MSH3: variants seen among roughly 807,000 people sequenced by gnomAD.
The protein encoded by MSH3 is DNA mismatch repair protein Msh3.
MSH3 carries 106 observed loss-of-function variants against 123.3 expected under a neutral mutation model. The observed-to-expected ratio is 0.86, with a 90% confidence interval of 0.73 to 1.01. The LOEUF (loss-of-function observed/expected upper bound fraction) is 1.01, where lower values mean the gene tolerates loss of function less well. MSH3 is among the 50% of genes least tolerant of loss of function. MSH3 has a pLI of 0.00. For synonymous variants in MSH3, 515 were observed against 481.4 expected, an observed-to-expected ratio of 1.07 and a Z score of -0.91; for missense variants, 1,459 against 1,347.6, an observed-to-expected ratio of 1.08 and a Z score of -1.29.
At chr5:80,687,729 A>C (rs777445054) in intron 8 of MSH3, among the ~76,000 whole-genome samples, 1 of 152,216 alleles carries the variant, frequency 6.6e-6, no homozygotes, top group Non-Finnish European at 1.5e-5. Flanking sequence ...GTGAAGGCCT[A>C]TGAAATCCAG....
chr5:80,733,129 A>G (rs1304868512), intron 10 of MSH3, among the ~76,000 whole-genome samples: 1 of 152,190 alleles, frequency 6.6e-6, no homozygotes, highest in East Asian at 1.9e-4. Flanking sequence ...TGGAATTGGC[A>G]TAAGCACAGA....
At chr5:80,694,938 T>C (rs1750436071) in intron 8 of MSH3, among the ~76,000 whole-genome samples, 1 of 151,198 alleles carries the variant, frequency 6.6e-6, no homozygotes, top group Non-Finnish European at 1.5e-5. Flanking sequence ...TTTAATTATG[T>C]GTCATGGAAC....
chr5:80,684,873 C>T (rs937167303), intron 8 of MSH3, among the ~76,000 whole-genome samples: 13 of 151,724 alleles, frequency 8.6e-5, no homozygotes, highest in Admixed American at 2.6e-4. Context: ...TATTATGAAG[C>T]GTTGTTGAAT....
intron 4 of MSH3, 66 bp from the exon 5 acceptor site, chr5:80,672,178 G>T: frequency 8.8e-7 from 1 of 1,139,280 alleles, no homozygotes; most frequent in South Asian, 1.3e-5. Flanking sequence ...TTAATAAAGT[G>T]AACCAACATC....
chr5:80,825,799 TAATGTCCTTCACATG>T (rs1382868806), intron 20 of MSH3, among the ~76,000 whole-genome samples: 1 of 152,254 alleles, frequency 6.6e-6, no homozygotes, highest in African/African-American at 2.4e-5. Context: ...TTTTATTACT[TAATGTCCTTCACATG>T]AAGTGCCATC....
At chr5:80,781,478 CT>C (rs71659599) in intron 17 of MSH3, among the ~76,000 whole-genome samples, 33,160 of 142,262 alleles carry the variant, frequency 0.23, 3,823 homozygotes, top group Non-Finnish European at 0.28. Context: ...TTACCAAGTT[CT>C]TTTTTTTTTT....
chr5:80,742,485 A>G (rs957464140), intron 11 of MSH3, among the ~76,000 whole-genome samples: 1 of 152,222 alleles, frequency 6.6e-6, no homozygotes, highest in Non-Finnish European at 1.5e-5. Flanking sequence ...ACCCCACGTC[A>G]TTTGATTAAG....
At chr5:80,773,413 G>A (rs1744245705) in intron 15 of MSH3, among the ~76,000 whole-genome samples, 2 of 152,268 alleles carry the variant, frequency 1.3e-5, no homozygotes, top group African/African-American at 4.8e-5. Context: ...CTATTTAAGT[G>A]GGTGTGGCAG....
chr5:80,844,344 G>T (rs1745679556), intron 20 of MSH3, among the ~76,000 whole-genome samples: 1 of 152,184 alleles, frequency 6.6e-6, no homozygotes, highest in Non-Finnish European at 1.5e-5. Flanking sequence ...TAGAATAATT[G>T]TGATGTGGTG....
chr5:80,662,208 A>G (rs887368650), intron 2 of MSH3, among the ~76,000 whole-genome samples: 2 of 152,246 alleles, frequency 1.3e-5, no homozygotes, highest in African/African-American at 2.4e-5. Context: ...CATGCTATAC[A>G]GGTTTATAAC....
chr5:80,785,674 A>G (rs1052372090), intron 17 of MSH3, among the ~76,000 whole-genome samples: 11 of 152,300 alleles, frequency 7.2e-5, no homozygotes, highest in African/African-American at 1.9e-4. Context: ...TCATGCTGCT[A>G]TAAAGACACA....
At chr5:80,677,307 T>C (rs918179361) in intron 7 of MSH3, among the ~76,000 whole-genome samples, 2 of 152,172 alleles carry the variant, frequency 1.3e-5, no homozygotes, top group Non-Finnish European at 2.9e-5. Context: ...GGCAGTGCAG[T>C]TTTATACACA....
At chr5:80,694,575 C>G (rs1202246426) in intron 8 of MSH3, among the ~76,000 whole-genome samples, 1 of 152,012 alleles carries the variant, frequency 6.6e-6, no homozygotes, top group African/African-American at 2.4e-5. Flanking sequence ...CTGTTTCTTT[C>G]CTGATGTTCT....
At chr5:80,816,888 T>C (rs940788858) in intron 20 of MSH3, among the ~76,000 whole-genome samples, 2 of 152,218 alleles carry the variant, frequency 1.3e-5, no homozygotes, top group African/African-American at 4.8e-5. Context: ...ACGTTATCTT[T>C]GTGTATAATA....
chr5:80,794,404 G>A (rs982036860), intron 19 of MSH3, among the ~76,000 whole-genome samples: 3 of 152,134 alleles, frequency 2.0e-5, no homozygotes, highest in African/African-American at 2.4e-5. Context: ...TTTACTCAAA[G>A]TCTCTAGGTT....
At chr5:80,805,518 A>G (rs1205970055) in intron 19 of MSH3, among the ~76,000 whole-genome samples, 3 of 147,978 alleles carry the variant, frequency 2.0e-5, no homozygotes, top group Non-Finnish European at 4.5e-5. Flanking sequence ...TTAGGAATGT[A>G]TGTTTTATAG....
chr5:80,819,342 GTGTATATATA>G (rs1417771205), intron 20 of MSH3, among the ~76,000 whole-genome samples: 15 of 143,314 alleles, frequency 1.0e-4, no homozygotes, highest in South Asian at 6.6e-4. Flanking sequence ...ATGTGTGTGT[GTGTATATATA>G]TGTATATATA....
At chr5:80,759,040 A>G (rs1447649297) in intron 12 of MSH3, among the ~76,000 whole-genome samples, 2 of 152,242 alleles carry the variant, frequency 1.3e-5, no homozygotes, top group South Asian at 2.1e-4. Flanking sequence ...TATCACAACA[A>G]TCCTTTGCAA....
chr5:80,869,350 A>G (rs1422995961), intron 22 of MSH3, among the ~76,000 whole-genome samples: 1 of 152,230 alleles, frequency 6.6e-6, no homozygotes, highest in Non-Finnish European at 1.5e-5. Flanking sequence ...AGAAATGGCC[A>G]TAGCTTGTAA....
Sources: allele counts gnomAD v4.1 joint callset (sites outside exome capture counted in the v4.1 genomes callset), GRCh38; gene constraint gnomAD v4.1.1; transcripts MANE v1.5; gene names NCBI Gene and HGNC (gene_info 2026-07-23, HGNC 2026-07-21).